Variants in NOX4 observed in about 807,000 individuals in gnomAD.
NOX4 encodes NADPH oxidase 4, also known as kidney oxidase-1.
Under a neutral mutation model 87.6 loss-of-function variants are expected in NOX4, and 69 were observed. The ratio of observed to expected loss-of-function variants is 0.79; its 90% CI spans 0.65 to 0.96. The LOEUF (loss-of-function observed/expected upper bound fraction) is 0.96. Ranked by LOEUF, NOX4 falls within the 40% of genes least tolerant of loss-of-function variation. NOX4 has a pLI of 0.00. For missense variants in NOX4, 680 were observed against 681.5 expected, an observed-to-expected ratio of 1.00 and a Z score of 0.02; for synonymous variants, 275 against 238.2, an observed-to-expected ratio of 1.15 and a Z score of -1.42.
chr11:89,426,258 C>T (rs1943399217), intron 7 of NOX4, among the ~76,000 whole-genome samples: 1 of 151,930 alleles, frequency 6.6e-6, no homozygotes, highest in African/African-American at 2.4e-5. Context: ...CCAAAATGGC[C>T]AAATAGGAAC....
rs71469267 is a variant in NOX4, at chr11:89,453,888, T to C, written c.154-1993A>G. ...TGTCCAGAAGGCACATATTAGGTAA[T>C]AAACATTTTGTTGAATGACTTGATG... On this transcript the variant is annotated intron_variant, in intron 2 of 17. Transcript: ENST00000263317. Among the ~76,000 whole-genome samples the C allele has an allele frequency of 3.9e-3, 601 of 152,274 alleles. 2 individuals carry two copies. The highest frequency in any genetic ancestry group is 0.012 in the African/African-American group (512 of 41,574).
intron 11 of NOX4, among the ~76,000 whole-genome samples, chr11:89,388,614 T>C (rs1015734935): frequency 2.2e-4 from 33 of 152,304 alleles, no homozygotes; most frequent in African/African-American, 7.7e-4. Flanking sequence ...ATCTGCTGCA[T>C]GCAATATGCC....
chr11:89,436,038 T>C (rs1944066297), intron 6 of NOX4, among the ~76,000 whole-genome samples: 1 of 152,172 alleles, frequency 6.6e-6, no homozygotes, highest in Non-Finnish European at 1.5e-5. Context: ...TTATCTGGGA[T>C]ATTACAAGAA....
chr11:89,569,678 G>T, the NOX4 span, among the ~76,000 whole-genome samples: 1 of 152,102 alleles, frequency 6.6e-6, no homozygotes, highest in Non-Finnish European at 1.5e-5. Flanking sequence ...GGTCATCCCA[G>T]GAATTCCATT....
chr11:89,472,837 G>T (rs1287919996), intron 2 of NOX4, among the ~76,000 whole-genome samples: 1 of 152,088 alleles, frequency 6.6e-6, no homozygotes, highest in Admixed American at 6.6e-5. Flanking sequence ...AGACAATATT[G>T]TCTAGTGAAC....
the NOX4 span, among the ~76,000 whole-genome samples, chr11:89,541,767 A>G: frequency 6.6e-6 from 1 of 152,194 alleles, no homozygotes; most frequent in Non-Finnish European, 1.5e-5. Context: ...AGTAAACGTC[A>G]TTTGATAAAA....
At chr11:89,412,162 A>G (rs1203596255) in intron 8 of NOX4, among the ~76,000 whole-genome samples, 1 of 152,150 alleles carries the variant, frequency 6.6e-6, no homozygotes, top group Non-Finnish European at 1.5e-5. Flanking sequence ...GCACACAAAA[A>G]CGTAAAGCAA....
At chr11:89,491,764 A>G (rs1237902393), upstream of NOX4, among the ~76,000 whole-genome samples, 4 of 125,774 alleles carry the variant, frequency 3.2e-5, no homozygotes, top group Middle Eastern at 4.0e-3. Context: ...ACACACACAC[A>G]CAAGAAGACA....
chr11:89,355,010 C>G lies in NOX4; in HGVS notation c.1169G>C (p.Ser390Thr), dbSNP rs776351123. Reference protein sequence around the residue: ...RFRDLLLPPSSQDSEILPFIQ... With the variant: ...RFRDLLLPPSTQDSEILPFIQ... ...GAAGGGCAGAATTTCGGAGTCTTGA[C>G]TAGATGGAGGCAGTAGTAAATCTCG... The change falls in exon 13 of 18, where the codon AGT (serine) becomes ACT (threonine). Residue 390 changes from serine (S) to threonine (T), a missense_variant. Coordinates refer to ENST00000263317, the MANE Select transcript of NOX4 (RefSeq NM_016931.5). The G allele has an allele frequency of 2.5e-6, 4 of 1,603,678 alleles. No individual in the cohort carries two copies. The highest frequency in any genetic ancestry group is 3.4e-6 in the Non-Finnish European group (4 of 1,172,420).
At chr11:89,461,883 C>T (rs1945485205) in intron 2 of NOX4, among the ~76,000 whole-genome samples, 1 of 151,506 alleles carries the variant, frequency 6.6e-6, no homozygotes, top group Non-Finnish European at 1.5e-5. Flanking sequence ...AACATAATAC[C>T]ACTATGTGAG....
upstream of NOX4, among the ~76,000 whole-genome samples, chr11:89,496,558 C>A (rs1946954045): frequency 6.7e-6 from 1 of 148,472 alleles, no homozygotes; most frequent in South Asian, 2.1e-4. Context: ...TTTTATATGC[C>A]AATGATAGAT....
At position 89,400,092 on chromosome 11, in the gene NOX4, A is replaced by G. The variant is rs770590003; in HGVS notation, c.1012-13T>C. The G allele has an allele frequency of 6.3e-7, 1 of 1,597,088 alleles. No homozygotes were observed. Among genetic ancestry groups the G allele is most frequent in the African/African-American group, 1.3e-5 (1 of 74,406 alleles). ...GTAGAGTAATATACTAAAAAGCAAC[A>G]AACAGATAAGTTTTAAATGACCAAT... is the stretch of plus-strand genomic sequence containing the variant. On this transcript the variant is annotated splice_polypyrimidine_tract_variant and intron_variant, in intron 10 of 17. Transcript: ENST00000263317.
rs1190427207 is a variant in NOX4, at chr11:89,326,011, T to C, written c.*745A>G. ...TAGGAATATTTTCATTACCATGCAA[T>C]AGTGATAGATTTAAATGAAGATGAA... On this transcript the variant is annotated 3_prime_UTR_variant, in exon 18 of 18. Transcript: ENST00000263317. 1.3e-5 allele frequency: 2 copies of C among 150,170 alleles called. No homozygotes were observed. Among genetic ancestry groups the C allele is most frequent in the East Asian group, 1.9e-4 (1 of 5,136 alleles). The allele number at this position is 150,170 out of a possible 1,614,324, so 9.3% of individuals were successfully genotyped here.
intron 7 of NOX4, among the ~76,000 whole-genome samples, chr11:89,429,159 A>G (rs980890828): frequency 6.6e-6 from 1 of 152,224 alleles, no homozygotes; most frequent in Non-Finnish European, 1.5e-5. Context: ...CTTTGAAAAC[A>G]ATGAGAAAAA....
the NOX4 span, among the ~76,000 whole-genome samples, chr11:89,532,860 T>C: frequency 0.36 from 54,570 of 151,834 alleles, 9,962 homozygotes; most frequent in Middle Eastern, 0.41. Flanking sequence ...GATCTGATGG[T>C]TTAAAAGTGT....
At chr11:89,537,409 A>T in the NOX4 span, among the ~76,000 whole-genome samples, 1 of 151,508 alleles carries the variant, frequency 6.6e-6, no homozygotes, top group African/African-American at 2.4e-5. Context: ...GTATAGTTAT[A>T]TATACATATT....
At position 89,473,759 on chromosome 11, in the gene NOX4, G is replaced by A. The variant is rs904220694; in HGVS notation, c.153+16699C>T. On this transcript the variant is annotated intron_variant, in intron 2 of 17. Coordinates refer to ENST00000263317, the MANE Select transcript of NOX4 (RefSeq NM_016931.5). ...CTAGCAATCTTAGCTAACTCGGCATGTCTTTTAACTATGACTTTCAACTTT... is the reference window on the plus strand; with the variant it reads ...CTAGCAATCTTAGCTAACTCGGCATATCTTTTAACTATGACTTTCAACTTT... Among the ~76,000 whole-genome samples the A allele has an allele frequency of 3.3e-5, 5 of 152,046 alleles. 1 individual carries two copies. The highest frequency in any genetic ancestry group is 1.3e-4 in the Admixed American group (2 of 15,234).
intron 12 of NOX4, among the ~76,000 whole-genome samples, chr11:89,370,056 C>G (rs1244712827): frequency 3.3e-5 from 5 of 151,990 alleles, no homozygotes; most frequent in Non-Finnish European, 5.9e-5. Context: ...GTTATCAACT[C>G]TTTTGTGGCC....
At chr11:89,429,519 A>G (rs1354409353) in intron 7 of NOX4, among the ~76,000 whole-genome samples, 1 of 152,244 alleles carries the variant, frequency 6.6e-6, no homozygotes, top group Non-Finnish European at 1.5e-5. Context: ...AAAAAATGAT[A>G]CAGGGGATAT....
Sources: gnomAD v4.1 joint callset for allele counts (sites outside exome capture counted in the v4.1 genomes callset) on GRCh38, gnomAD v4.1.1 for gene constraint, MANE v1.5 for transcripts, NCBI Gene and HGNC (gene_info 2026-07-23, HGNC 2026-07-21) for gene names.